The following ADGRG4 variants were observed in gnomAD, a reference collection of about 807,000 sequenced individuals.
ADGRG4 encodes the protein adhesion G protein-coupled receptor G4, also known as G protein-coupled receptor 112.
A neutral mutation model predicts 126.2 loss-of-function variants in ADGRG4; 122 were observed. That is an observed-to-expected ratio of 0.97 (90% confidence interval 0.83 to 1.12). The LOEUF (loss-of-function observed/expected upper bound fraction) is 1.12, where lower values mean the gene tolerates loss of function less well. ADGRG4 is among the 50% of genes most tolerant of loss of function. ADGRG4 has a pLI of 0.00. For missense variants in ADGRG4, 2,481 were observed against 2,251.8 expected (o/e 1.10, Z -2.06); for synonymous variants, 943 against 838.7 (o/e 1.12, Z -2.15).
rs2075074833 is a variant in ADGRG4 at position 136,353,385 on chromosome X, A to G, written c.6871A>G (p.Thr2291Ala). 4 of 1,190,304 alleles carry G rather than the reference A, an allele frequency of 3.4e-6. No individual in the cohort carries two copies. The South Asian group carries it at 7.1e-5, about 21-fold the overall frequency. Residue 2291 changes from threonine to alanine, a missense_variant, in exon 8 of 26, where the codon ACC becomes GCC. Physicochemically the swap from Thr to Ala is moderately conservative, Grantham distance 58 (BLOSUM62 0). Transcript: ENST00000394143. The stretch of plus-strand genomic sequence containing the variant: ...TGAATTTTCTCTTGCTACTCTGGAA[A>G]CCCAAATTAAAAGCAGGTATGTGAA... Reference protein sequence around the residue: ...NSEFSLATLETQIKSRDISEE... With the variant: ...NSEFSLATLEAQIKSRDISEE...
At chrX:136,336,854 A>G (rs2148459852) in intron 5 of ADGRG4, among the ~76,000 whole-genome samples, 1 of 111,712 alleles carries the variant, frequency 9.0e-6, no homozygotes, top group South Asian at 3.8e-4. Context: ...TAGTGGTTGG[A>G]CTTGGTATTA....
intron 1 of ADGRG4, among the ~76,000 whole-genome samples, chrX:136,301,450 C>T (rs2074699209): frequency 2.7e-5 from 3 of 111,687 alleles, no homozygotes; most frequent in Admixed American, 9.5e-5. Context: ...TTTTTTCTTG[C>T]AAATTTGTTG....
chrX:136,347,163 A>T lies in ADGRG4; in HGVS notation c.3457A>T (p.Ile1153Phe). The T allele has an allele frequency of 8.3e-7, 1 of 1,211,112 alleles. No homozygotes were observed. The highest frequency in any genetic ancestry group is 1.7e-5 in the African/African-American group (1 of 57,692). ...CTGCTCAAAACCTCCCCCTGACAAC[A>T]TTCCTCCTGCGTCCTCCACTCATGT... is the stretch of plus-strand genomic sequence containing the variant. ...LVCSKPPPDN[I>F]PPASSTHVIS... is the part of the protein sequence containing the mutation. The change falls in exon 6 of 26, where the codon ATT becomes TTT. Residue 1153 changes from isoleucine (I) to phenylalanine (F), a missense_variant. Transcript: ENST00000394143.
chrX:136,309,238 A>G (rs1177262298), intron 4 of ADGRG4, among the ~76,000 whole-genome samples: 1 of 112,455 alleles, frequency 8.9e-6, no homozygotes, highest in Non-Finnish European at 1.9e-5. Context: ...TGTCTCCATT[A>G]TATGTATATG....
chrX:136,329,795 C>T (rs1449576812), intron 5 of ADGRG4, among the ~76,000 whole-genome samples: 1 of 110,274 alleles, frequency 9.1e-6, no homozygotes, highest in Non-Finnish European at 1.9e-5. Context: ...GCTTCAGCCA[C>T]CCCACCCCGA....
chrX:136,310,992 G>T (rs2148444586), intron 4 of ADGRG4, among the ~76,000 whole-genome samples: 1 of 111,160 alleles, frequency 9.0e-6, no homozygotes, highest in African/African-American at 3.3e-5. Context: ...TCTGGAGGCT[G>T]AGGGTTCAAG....
At chrX:136,385,272 C>T (rs2075287020) in intron 15 of ADGRG4, among the ~76,000 whole-genome samples, 1 of 111,439 alleles carries the variant, frequency 9.0e-6, no homozygotes. Flanking sequence ...TTTAGCTACT[C>T]TTGCCACAAA....
intron 4 of ADGRG4, among the ~76,000 whole-genome samples, chrX:136,313,451 C>T (rs190163657): frequency 4.8e-4 from 54 of 112,626 alleles, no homozygotes; most frequent in Admixed American, 2.0e-3. Context: ...TCTAACAATA[C>T]TCAAAGCCTT....
chrX:136,316,186 G>A (rs919500330), intron 4 of ADGRG4, among the ~76,000 whole-genome samples: 1 of 111,489 alleles, frequency 9.0e-6, no homozygotes, highest in African/African-American at 3.3e-5. Context: ...CATGCCCAGA[G>A]TACCTGACCA....
At chrX:136,330,713 G>A (rs1239968418) in intron 5 of ADGRG4, among the ~76,000 whole-genome samples, 1 of 110,975 alleles carries the variant, frequency 9.0e-6, no homozygotes, top group Non-Finnish European at 1.9e-5. Flanking sequence ...ATTTCTGTGG[G>A]TACATATTAG....
chrX:136,399,809 A>T lies in ADGRG4; in HGVS notation c.8307-39A>T, dbSNP rs1446915753. 3 of 1,137,533 alleles carry T rather than the reference A, an allele frequency of 2.6e-6. No individual in the cohort carries two copies. The African/African-American group carries it at 5.5e-5, about 21-fold the overall frequency. The allele number at this position is 1,137,533 out of a possible 1,213,427, so 93.7% of individuals were successfully genotyped here. On this transcript the variant is annotated intron_variant, in intron 20 of 25. Coordinates refer to ENST00000394143, the MANE Select transcript of ADGRG4 (RefSeq NM_153834.4). ...GGCGATGTTTAATTAAAAAAAAAAA[A>T]ACAGACTTTACCTAACAACATTGTA...
chrX:136,371,678 G>C, intron 14 of ADGRG4, 134 bp downstream of exon 14: 1 of 410,906 alleles, frequency 2.4e-6, no homozygotes, highest in Non-Finnish European at 4.2e-6. Flanking sequence ...AAAATCTTGC[G>C]TCGATACTGA....
chrX:136,368,126 C>T (rs1053846491), intron 13 of ADGRG4, among the ~76,000 whole-genome samples: 15 of 111,852 alleles, frequency 1.3e-4, no homozygotes, highest in African/African-American at 4.9e-4. Context: ...GTGGAGAAAA[C>T]GGCCAAAGTC....
At chrX:136,412,458 T>A (rs1292559133) in intron 24 of ADGRG4, 92 bp downstream of exon 24, 3 of 559,087 alleles carry the variant, frequency 5.4e-6, no homozygotes, top group Non-Finnish European at 9.2e-6. Context: ...ACTTACAGCA[T>A]ATCAGCATCA....
rs1248215340 is a variant in ADGRG4, at chrX:136,395,499, T to A, written c.8184+6T>A. 7.6e-6 allele frequency: 8 copies of A among 1,046,650 alleles called. No homozygotes were observed. The highest frequency in any genetic ancestry group is 1.1e-5 in the Non-Finnish European group (8 of 750,495). The allele number at this position is 1,046,650 out of a possible 1,213,427, so 86.3% of individuals were successfully genotyped here. A position where few individuals can be genotyped will look rare whatever the true frequency, so the allele number is the denominator to read the frequency against. On this transcript the variant is annotated splice_donor_region_variant and intron_variant, in intron 19 of 25. Coordinates refer to ENST00000394143, the MANE Select transcript of ADGRG4 (RefSeq NM_153834.4). ...CCCATTTTGGAGTCTTAATGGTGAG[T>A]TGTCTCTTAGTCACTCCTCGATGGA...
At chrX:136,350,890 T>G (rs951322177) in intron 6 of ADGRG4, among the ~76,000 whole-genome samples, 3 of 111,446 alleles carry the variant, frequency 2.7e-5, no homozygotes, top group Admixed American at 9.6e-5. Context: ...GGTCTCAGCC[T>G]TCTCCAATCC....
At chrX:136,412,976 A>T (rs2075454134) in intron 24 of ADGRG4, among the ~76,000 whole-genome samples, 2 of 111,852 alleles carry the variant, frequency 1.8e-5, no homozygotes, top group African/African-American at 6.5e-5. Context: ...AGCCTAATCC[A>T]TTTTCTTTAG....
chrX:136,332,044 G>A (rs1363997375), intron 5 of ADGRG4, among the ~76,000 whole-genome samples: 1 of 108,014 alleles, frequency 9.3e-6, no homozygotes, highest in Non-Finnish European at 1.9e-5. Flanking sequence ...TAGGGTACAT[G>A]TGCACATTGT....
rs753097731 is a variant in ADGRG4, at chrX:136,387,362, A to G, written c.7777-378A>G. Among the ~76,000 whole-genome samples, 3 of 112,005 alleles carry G rather than the reference A, an allele frequency of 2.7e-5. No individual in the cohort carries two copies. The Admixed American group carries it at 2.8e-4, about 11-fold the overall frequency. On this transcript the variant is annotated intron_variant, in intron 15 of 25. Transcript: ENST00000394143. ...ATTGTTACTTTGTTTTTTCCTTTTA[A>G]CATATGGAGGAAGGTAGCCTGAGTT...
Sources: gnomAD v4.1 joint callset for allele counts (sites outside exome capture counted in the v4.1 genomes callset) on GRCh38, gnomAD v4.1.1 for gene constraint, MANE v1.5 for transcripts, NCBI Gene and HGNC (gene_info 2026-07-23, HGNC 2026-07-21) for gene names.